TGM6: variants seen among roughly 807,000 people sequenced by gnomAD.
TGM6 encodes the protein transglutaminase 6.
TGM6 carries 74 observed loss-of-function variants against 77.5 expected under a neutral mutation model. The ratio of observed to expected loss-of-function variants is 0.96; its 90% confidence interval spans 0.79 to 1.16. The LOEUF (loss-of-function observed/expected upper bound fraction) is 1.16. Ranked by LOEUF, TGM6 falls within the 50% of genes most tolerant of loss-of-function variation. The pLI is 0.00. For synonymous variants in TGM6, 383 were observed against 378.9 expected (o/e 1.01, Z -0.12); for missense variants, 968 against 940.2 (o/e 1.03, Z -0.39).
chr20:2,397,889 C>T (rs760420665), intron 4 of TGM6, 29 bp from the exon 5 acceptor site: 1 of 1,614,030 alleles, frequency 6.2e-7, no homozygotes, highest in Non-Finnish European at 8.5e-7. Flanking sequence ...CTGAACGCAG[C>T]CTCTAAGCAC....
Position 2,394,623 on chromosome 20 carries a change from CA to C in TGM6, c.180del (p.Gly61AspfsTer37). On this transcript the variant is annotated frameshift_variant and splice_region_variant, in exon 2 of 13. Coordinates refer to ENST00000202625, the MANE Select transcript of TGM6 (RefSeq NM_198994.3). LOFTEE classifies it high-confidence loss of function. ...CEEILIFTME[T>X]GPRASEALHT... is the part of the protein sequence containing the mutation. ...GAGATCCTCATCTTCACGATGGAGA[CA>C]GGTAACTGGGCTTGCCAGCACCCTC... 6.2e-7 allele frequency: 1 copy of C among 1,608,326 alleles called. No homozygotes were observed. Among genetic ancestry groups the C allele is most frequent in the Admixed American group, 1.7e-5 (1 of 59,422 alleles).
intron 10 of TGM6, among the ~76,000 whole-genome samples, chr20:2,425,894 G>A (rs1213401581): frequency 6.6e-6 from 1 of 152,078 alleles, no homozygotes; most frequent in East Asian, 1.9e-4. Context: ...TATTTAGAAA[G>A]GTACCATAAA....
chr20:2,383,005 G>C (rs1289058093), intron 1 of TGM6, among the ~76,000 whole-genome samples: 2 of 152,202 alleles, frequency 1.3e-5, no homozygotes, highest in Non-Finnish European at 2.9e-5. Context: ...CTCTGGCTGG[G>C]ACATTGGGTT....
At chr20:2,430,226 T>G (rs528890294) in intron 10 of TGM6, among the ~76,000 whole-genome samples, 34 of 152,326 alleles carry the variant, frequency 2.2e-4, no homozygotes, top group African/African-American at 7.0e-4. Flanking sequence ...CCACCTCATC[T>G]TAATTTCTTG....
At chr20:2,418,651 A>T (rs1346309185) in intron 10 of TGM6, among the ~76,000 whole-genome samples, 1 of 152,214 alleles carries the variant, frequency 6.6e-6, no homozygotes, top group African/African-American at 2.4e-5. Context: ...CCCACACCAG[A>T]TATGCTCAAC....
intron 9 of TGM6, 120 bp from the exon 10 acceptor site, chr20:2,417,112 A>G (rs1003488): frequency 1.2e-6 from 1 of 865,254 alleles, no homozygotes; most frequent in Non-Finnish European, 1.8e-6. Context: ...AGAATCAAAC[A>G]CAAGGCATGT....
chr20:2,418,803 G>A (rs895202823), intron 10 of TGM6, among the ~76,000 whole-genome samples: 5 of 151,946 alleles, frequency 3.3e-5, no homozygotes, highest in East Asian at 1.9e-4. Flanking sequence ...GAGGCCGGGC[G>A]CGGTGGCTCA....
chr20:2,395,380 AAC>A lies in TGM6; in HGVS notation c.372_373del (p.His124GlnfsTer59), dbSNP rs2122348092. 6.2e-7 allele frequency: 1 copy of A among 1,614,256 alleles called. No homozygotes were observed. The highest frequency in any genetic ancestry group is 8.5e-7 in the Non-Finnish European group (1 of 1,180,044). On this transcript the variant is annotated frameshift_variant, in exon 3 of 13. Coordinates refer to ENST00000202625, the MANE Select transcript of TGM6 (RefSeq NM_198994.3). LOFTEE classifies it high-confidence loss of function. ...AGCATCAGGCTTTCCTCTCACCGCA[AAC>A]ACAGCAACCGGAGGCTGGGCGAGTT...
chr20:2,393,320 G>C (rs886993330), intron 1 of TGM6, among the ~76,000 whole-genome samples: 6 of 151,574 alleles, frequency 4.0e-5, no homozygotes, highest in Admixed American at 3.9e-4. Context: ...TAAAACTAGG[G>C]TTTTTTTTGC....
In TGM6 at chr20:2,399,459, C is replaced by T. The variant is rs371529324; in HGVS notation, c.673-102C>T. Reference sequence around the variant, plus strand: ...GACAGTTAAAAAGCAAGAGTGACCCCGATGGACCTGGTGGTCCAAAGTTGG... The same window carrying T: ...GACAGTTAAAAAGCAAGAGTGACCCTGATGGACCTGGTGGTCCAAAGTTGG... On this transcript the variant is annotated intron_variant, in intron 5 of 12. Transcript: ENST00000202625. The T allele has an allele frequency of 1.7e-4, 261 of 1,545,642 alleles. 3 individuals are homozygous for T. The South Asian group carries it at 1.7e-3, about 10-fold the overall frequency.
intron 1 of TGM6, among the ~76,000 whole-genome samples, chr20:2,386,164 G>A (rs1452770067): frequency 6.6e-6 from 1 of 152,302 alleles, no homozygotes; most frequent in East Asian, 1.9e-4. Flanking sequence ...TGAGGACTAA[G>A]AGGGACACTG....
intron 12 of TGM6, among the ~76,000 whole-genome samples, chr20:2,431,606 G>T (rs2084924476): frequency 6.6e-6 from 1 of 152,188 alleles, no homozygotes; most frequent in Non-Finnish European, 1.5e-5. Context: ...GCCTGGAGAA[G>T]GGCTCTCAGA....
chr20:2,395,375 C>A lies in TGM6; in HGVS notation c.363C>A (p.His121Gln). 6.2e-7 allele frequency: 1 copy of A among 1,614,256 alleles called. No individual in the cohort carries two copies. The highest frequency in any genetic ancestry group is 8.5e-7 in the Non-Finnish European group (1 of 1,180,044). Residue 121 changes from histidine to glutamine, a missense_variant, in exon 3 of 13, where the codon CAC becomes CAA. Coordinates refer to ENST00000202625, the MANE Select transcript of TGM6 (RefSeq NM_198994.3). The part of the protein sequence containing the change: ...RYLLSIRLSS[H>Q]RKHSNRRLGE... ...TGCTGAGCATCAGGCTTTCCTCTCACCGCAAACACAGCAACCGGAGGCTGG... is the reference window on the plus strand; with the variant it reads ...TGCTGAGCATCAGGCTTTCCTCTCAACGCAAACACAGCAACCGGAGGCTGG...
rs2122351903 is a variant in TGM6, at chr20:2,396,557, G to A, written c.476G>A (p.Ser159Asn). 6.2e-7 allele frequency: 1 copy of A among 1,614,234 alleles called. No individual in the cohort carries two copies. Among genetic ancestry groups the A allele is most frequent in the Non-Finnish European group, 8.5e-7 (1 of 1,180,042 alleles). ...SEEERQEYVL[S>N]DSGIIFRGVE... ...GAGGAGAGACAGGAGTACGTGCTCA[G>A]CGACAGCGGCATCATCTTCCGAGGC... Residue 159 changes from serine (S) to asparagine (N), a missense_variant, in exon 4 of 13, where the codon AGC (serine) becomes AAC (asparagine). By Grantham distance (46) the Ser-to-Asn change is conservative (BLOSUM62 1). Transcript: ENST00000202625.
intron 1 of TGM6, among the ~76,000 whole-genome samples, chr20:2,389,806 C>T (rs983514108): frequency 1.3e-5 from 2 of 152,156 alleles, no homozygotes; most frequent in African/African-American, 4.8e-5. Flanking sequence ...AAGGCCACTC[C>T]ATAATCATGA....
intron 1 of TGM6, among the ~76,000 whole-genome samples, chr20:2,389,536 C>G (rs894825714): frequency 2.0e-5 from 3 of 152,040 alleles, no homozygotes; most frequent in African/African-American, 7.2e-5. Context: ...CTTTTTTGTC[C>G]GTAATACCCT....
At chr20:2,405,405 C>T (rs1375589713) in intron 9 of TGM6, among the ~76,000 whole-genome samples, 5 of 152,186 alleles carry the variant, frequency 3.3e-5, no homozygotes, top group Admixed American at 6.5e-5. Context: ...ATAGTCTCTA[C>T]GGGATGTGGT....
chr20:2,388,624 C>CAAAAAA (rs11442124), intron 1 of TGM6, among the ~76,000 whole-genome samples: 1 of 148,138 alleles, frequency 6.8e-6, no homozygotes, highest in African/African-American at 2.5e-5. Flanking sequence ...AACAAACAAA[C>CAAAAAA]AAACAAAAAA....
At chr20:2,417,111 C>A in intron 9 of TGM6, 121 bp from the exon 10 acceptor site, 1 of 860,590 alleles carries the variant, frequency 1.2e-6, no homozygotes, top group Non-Finnish European at 1.8e-6. Context: ...GAGAATCAAA[C>A]ACAAGGCATG....
Sources: gnomAD v4.1 joint callset for allele counts (sites outside exome capture counted in the v4.1 genomes callset) on GRCh38, gnomAD v4.1.1 for gene constraint, MANE v1.5 for transcripts, NCBI Gene and HGNC (gene_info 2026-07-23, HGNC 2026-07-21) for gene names.